Variants in RELL1 observed in about 807,000 individuals in gnomAD.
RELL1 encodes RELT like 1.
RELL1 carries 10 observed loss-of-function variants against 23.0 expected under a neutral mutation model. That is an observed-to-expected ratio of 0.43 (90% confidence interval 0.27 to 0.74). The LOEUF (loss-of-function observed/expected upper bound fraction) is 0.74, where lower values mean the gene tolerates loss of function less well. Ranked by LOEUF, RELL1 falls within the 30% of genes least tolerant of loss-of-function variation. RELL1 has a pLI of 0.19. For missense variants in RELL1, 315 were observed against 364.4 expected (o/e 0.86, Z 1.10); for synonymous variants, 146 against 146.8 (o/e 0.99, Z 0.04).
rs770068930 is a variant in RELL1, at chr4:37,590,971, G to T, written c.*250C>A. On this transcript the variant is annotated 3_prime_UTR_variant, in exon 7 of 7. Coordinates refer to the RELL1 transcript ENST00000314117. ...CCTTGCAGCTTTAGAAGCTGCTACT[G>T]CAGGAGAAGATTTGGATGAGACTGA... 4 of 1,613,094 alleles carry T rather than the reference G, an allele frequency of 2.5e-6. No homozygotes were observed. The South Asian group carries it at 4.4e-5, about 18-fold the overall frequency.
At chr4:37,636,700 C>T (rs1720344208) in intron 4 of RELL1, among the ~76,000 whole-genome samples, 1 of 151,762 alleles carries the variant, frequency 6.6e-6, no homozygotes, top group Non-Finnish European at 1.5e-5. Context: ...TCTAACCTAA[C>T]AGAGCCAAAC....
At chr4:37,597,871 C>T (rs533193001) in intron 6 of RELL1, among the ~76,000 whole-genome samples, 2 of 151,736 alleles carry the variant, frequency 1.3e-5, no homozygotes, top group East Asian at 1.9e-4. Context: ...GCCAAAATGG[C>T]GAAACCCTGT....
rs1719822399 is a variant in RELL1, at chr4:37,622,987, T to A, written c.*3+8398A>T. On this transcript the variant is annotated intron_variant, in intron 6 of 6. Transcript: ENST00000454158. ...GCCTACCTAATTTTTGTATTTTTAG[T>A]AGAGATGGGGTTTCACCGTGTTGTC... 3 of 369,054 alleles carry A rather than the reference T, an allele frequency of 8.1e-6. No homozygotes were observed. The Admixed American group carries it at 1.1e-4, about 13-fold the overall frequency. 22.9% of individuals were successfully genotyped at this position (369,054 alleles called of 1,614,324 possible).
At chr4:37,609,825 A>G (rs1247877170), downstream of RELL1, among the ~76,000 whole-genome samples, 2 of 152,240 alleles carry the variant, frequency 1.3e-5, no homozygotes, top group East Asian at 3.8e-4. Context: ...AAACTTGAAT[A>G]GATGAGGAAT....
At chr4:37,619,126 G>GCC (rs1438572929) in intron 6 of RELL1, among the ~76,000 whole-genome samples, 1 of 151,724 alleles carries the variant, frequency 6.6e-6, no homozygotes, top group African/African-American at 2.4e-5. Context: ...TGATCTACCT[G>GCC]CCTCAGCCTC....
chr4:37,664,306 G>A (rs1017001825), intron 1 of RELL1, among the ~76,000 whole-genome samples: 16 of 151,366 alleles, frequency 1.1e-4, no homozygotes, highest in African/African-American at 3.6e-4. Context: ...AACCCGGGTT[G>A]AACCTGGGAG....
rs368178012 is a variant in RELL1, at chr4:37,624,184, T to C, written c.*3+7201A>G. Among the ~76,000 whole-genome samples, 39 of 152,170 alleles carry C rather than the reference T, an allele frequency of 2.6e-4. No homozygotes were observed. In the East Asian group the frequency reaches 7.4e-3, roughly 29 times the overall value. The stretch of plus-strand genomic sequence containing the variant: ...CCACCTTGTGACCAGCCACAGATGC[T>C]CAGGAGGGAGTTTGAGCCATGAAAG... On this transcript the variant is annotated intron_variant, in intron 6 of 6. Coordinates refer to ENST00000454158, the MANE Select transcript of RELL1 (RefSeq NM_001085400.2).
intron 1 of RELL1, among the ~76,000 whole-genome samples, chr4:37,661,791 C>A (rs1721366515): frequency 1.3e-5 from 2 of 152,184 alleles, no homozygotes; most frequent in African/African-American, 4.8e-5. Flanking sequence ...GTAGAGAGAA[C>A]AAATGGGCTT....
intron 5 of RELL1, among the ~76,000 whole-genome samples, chr4:37,633,643 T>C (rs1720219519): frequency 6.6e-6 from 1 of 152,302 alleles, no homozygotes; most frequent in Admixed American, 6.5e-5. Context: ...GTCTTCTCCA[T>C]GATGCTTGTG....
chr4:37,667,473 G>A (rs1278701449), intron 1 of RELL1, among the ~76,000 whole-genome samples: 3 of 146,992 alleles, frequency 2.0e-5, no homozygotes, highest in African/African-American at 7.6e-5. Flanking sequence ...TCCACACTCT[G>A]CTCCATTACT....
chr4:37,605,857 G>GGAAAAGAA (rs1719196833), downstream of RELL1, among the ~76,000 whole-genome samples: 2 of 121,936 alleles, frequency 1.6e-5, no homozygotes, highest in Non-Finnish European at 3.7e-5. Flanking sequence ...GAAAAGAAAA[G>GGAAAAGAA]AAAAGAAAGA....
At chr4:37,597,055 A>G (rs1017313531) in intron 6 of RELL1, among the ~76,000 whole-genome samples, 1 of 151,544 alleles carries the variant, frequency 6.6e-6, no homozygotes. Flanking sequence ...GCCCGGGCCA[A>G]TATTTTTGAA....
downstream of RELL1, among the ~76,000 whole-genome samples, chr4:37,586,468 C>G (rs2109455799): frequency 6.6e-6 from 1 of 152,318 alleles, no homozygotes; most frequent in East Asian, 1.9e-4. Context: ...AGATGCACGG[C>G]TGGTCCGAGG....
rs540890018 is a variant in RELL1 at position 37,652,701 on chromosome 4, G to A, written c.89-3201C>T. 9.9e-5 allele frequency among the ~76,000 whole-genome samples: 15 copies of A among 152,280 alleles called. No homozygotes were observed. The South Asian group carries it at 1.5e-3, about 15-fold the overall frequency. On this transcript the variant is annotated intron_variant, in intron 1 of 6. Transcript: ENST00000454158. The stretch of plus-strand genomic sequence containing the variant: ...AGGTGATTGAGAAGGTGTCTTCATC[G>A]TGAATTTGACATGTGGCAACCCCTA...
chr4:37,622,352 C>G (rs1719797315), intron 6 of RELL1, among the ~76,000 whole-genome samples: 1 of 152,212 alleles, frequency 6.6e-6, no homozygotes, highest in Admixed American at 6.5e-5. Context: ...ACACTGGTGT[C>G]CTCTTGAGAA....
At chr4:37,677,948 C>T (rs1722072349) in intron 1 of RELL1, among the ~76,000 whole-genome samples, 1 of 152,144 alleles carries the variant, frequency 6.6e-6, no homozygotes, top group Non-Finnish European at 1.5e-5. Flanking sequence ...CTCCAGCAGC[C>T]TGAGCAACAG....
chr4:37,632,822 T>C (rs952177970), intron 5 of RELL1, among the ~76,000 whole-genome samples: 2 of 152,236 alleles, frequency 1.3e-5, no homozygotes, highest in African/African-American at 2.4e-5. Flanking sequence ...TTTTCTAGTA[T>C]ATCATCACCA....
At chr4:37,644,481 A>T in intron 3 of RELL1, among the ~76,000 whole-genome samples, 1 of 69,792 alleles carries the variant, frequency 1.4e-5, no homozygotes, top group African/African-American at 4.2e-5. Flanking sequence ...TTTATTTTTG[A>T]GACAGAGTCT....
intron 1 of RELL1, among the ~76,000 whole-genome samples, chr4:37,664,598 A>T (rs533306491): frequency 1.3e-5 from 2 of 152,304 alleles, no homozygotes; most frequent in South Asian, 4.1e-4. Context: ...AAAAATATTT[A>T]AAAAGAAAGG....
Sources: allele counts gnomAD v4.1 joint callset (sites outside exome capture counted in the v4.1 genomes callset), GRCh38; gene constraint gnomAD v4.1.1; transcripts MANE v1.5; gene names NCBI Gene and HGNC (gene_info 2026-07-23, HGNC 2026-07-21).